The following FSTL5 variants were observed in gnomAD, a reference collection of about 807,000 sequenced individuals.
FSTL5 encodes the protein follistatin like 5.
FSTL5 carries 62 observed loss-of-function variants against 89.1 expected under a neutral mutation model. The ratio of observed to expected loss-of-function variants is 0.70; its 90% CI spans 0.57 to 0.86. The LOEUF (loss-of-function observed/expected upper bound fraction) is 0.86, where lower values mean the gene tolerates loss of function less well. Ranked by LOEUF, FSTL5 falls within the 40% of genes least tolerant of loss-of-function variation. The pLI is 0.00. For missense variants in FSTL5, 1,057 were observed against 1,001.6 expected (o/e 1.06, Z -0.75); for synonymous variants, 383 against 346.2 (o/e 1.11, Z -1.18).
chr4:161,801,494 GC>G (rs1224284978), intron 4 of FSTL5, among the ~76,000 whole-genome samples: 2 of 151,342 alleles, frequency 1.3e-5, no homozygotes, highest in Admixed American at 6.6e-5. Context: ...TTTCATGAGA[GC>G]CTTCTATTTT....
intron 3 of FSTL5, among the ~76,000 whole-genome samples, chr4:162,020,560 A>G (rs1737046490): frequency 6.6e-6 from 1 of 152,096 alleles, no homozygotes; most frequent in Non-Finnish European, 1.5e-5. Context: ...TTGACTCTCA[A>G]TTAGAGAAGA....
chr4:161,396,896 A>G (rs1276006983), intron 15 of FSTL5, among the ~76,000 whole-genome samples: 1 of 152,156 alleles, frequency 6.6e-6, no homozygotes, highest in African/African-American at 2.4e-5. Context: ...AACTAATAAA[A>G]GAAGGATCTT....
chr4:161,757,615 C>CT (rs1740622908), intron 6 of FSTL5, among the ~76,000 whole-genome samples: 1 of 151,878 alleles, frequency 6.6e-6, no homozygotes, highest in Non-Finnish European at 1.5e-5. Flanking sequence ...ATGCTGTGTT[C>CT]TTTTTATTTT....
chr4:162,145,917 G>C (rs1057180689), intron 1 of FSTL5, among the ~76,000 whole-genome samples: 2 of 152,064 alleles, frequency 1.3e-5, no homozygotes, highest in East Asian at 1.9e-4. Flanking sequence ...AAAGTGATTT[G>C]TTTAAGTGGG....
intron 1 of FSTL5, among the ~76,000 whole-genome samples, chr4:162,143,213 A>T (rs977375493): frequency 6.6e-6 from 1 of 151,796 alleles, no homozygotes; most frequent in Non-Finnish European, 1.5e-5. Context: ...TACTTAGGTC[A>T]TTTTGTTTCT....
At chr4:162,135,665 T>A (rs17042029) in intron 1 of FSTL5, among the ~76,000 whole-genome samples, 2,646 of 152,182 alleles carry the variant, frequency 0.017, 76 homozygotes, top group African/African-American at 0.059. Context: ...AATATTTGGG[T>A]ATAAGGTATT....
chr4:161,628,976 T>C (rs1356042688), intron 7 of FSTL5, among the ~76,000 whole-genome samples: 1 of 152,242 alleles, frequency 6.6e-6, no homozygotes, highest in Non-Finnish European at 1.5e-5. Context: ...ATTATAGGGT[T>C]ATAATTTCTC....
intron 7 of FSTL5, among the ~76,000 whole-genome samples, chr4:161,598,142 C>T (rs1439360707): frequency 4.6e-5 from 7 of 152,006 alleles, no homozygotes; most frequent in East Asian, 1.9e-4. Context: ...GAGGTTGAGG[C>T]GGGTAGATCT....
At chr4:161,595,509 G>C (rs1055535318) in intron 7 of FSTL5, among the ~76,000 whole-genome samples, 1 of 152,052 alleles carries the variant, frequency 6.6e-6, no homozygotes, top group African/African-American at 2.4e-5. Context: ...TGAGTTGATT[G>C]CTTATATATT....
At chr4:161,845,825 C>T (rs1337820836) in intron 4 of FSTL5, among the ~76,000 whole-genome samples, 1 of 152,026 alleles carries the variant, frequency 6.6e-6, no homozygotes, top group Non-Finnish European at 1.5e-5. Flanking sequence ...GTGGGAGGGT[C>T]CCTAGAGGTC....
At position 161,907,075 on chromosome 4, in the gene FSTL5, A is replaced by G. The variant is rs1204267779; in HGVS notation, c.409+13329T>C. Among the ~76,000 whole-genome samples, 3 of 152,226 alleles carry G rather than the reference A, an allele frequency of 2.0e-5. No individual in the cohort carries two copies. The East Asian group carries it at 5.8e-4, about 29-fold the overall frequency. ...CCACTTGTTAAAATCTTTAAAGGCC[A>G]AAACATGTGCTATGTTACTCAGGCA... On this transcript the variant is annotated intron_variant, in intron 4 of 15. Coordinates refer to ENST00000306100, the MANE Select transcript of FSTL5 (RefSeq NM_020116.5).
intron 4 of FSTL5, among the ~76,000 whole-genome samples, chr4:161,830,895 G>C (rs1408092365): frequency 1.3e-5 from 2 of 151,912 alleles, no homozygotes; most frequent in African/African-American, 2.4e-5. Context: ...CCATCTCCCA[G>C]ACCCCATAGG....
chr4:161,482,385 A>T (rs1451604024), intron 12 of FSTL5, among the ~76,000 whole-genome samples: 2 of 147,766 alleles, frequency 1.4e-5, no homozygotes, highest in Non-Finnish European at 3.0e-5. Context: ...CAATTATTCC[A>T]GTATTTCATT....
At chr4:161,805,213 G>T (rs1439779808) in intron 4 of FSTL5, among the ~76,000 whole-genome samples, 4 of 152,072 alleles carry the variant, frequency 2.6e-5, no homozygotes, top group African/African-American at 7.2e-5. Flanking sequence ...TATACCAAGG[G>T]CATTCCTGAT....
Position 161,725,717 on chromosome 4 carries a change from G to A in FSTL5, c.727+33694C>T, listed in dbSNP as rs576756824. ...CATCATCTGGATATTCAAGGAGAAAGACCACCTCAATTATAGAAATAATGA... is the reference window on the plus strand; with the variant it reads ...CATCATCTGGATATTCAAGGAGAAAAACCACCTCAATTATAGAAATAATGA... On this transcript the variant is annotated intron_variant, in intron 6 of 15. Coordinates refer to ENST00000306100, the MANE Select transcript of FSTL5 (RefSeq NM_020116.5). 2.6e-5 allele frequency among the ~76,000 whole-genome samples: 4 copies of A among 152,220 alleles called. No homozygotes were observed. The East Asian group carries it at 7.7e-4, about 29-fold the overall frequency.
chr4:161,427,579 G>A (rs1258103261), intron 15 of FSTL5, among the ~76,000 whole-genome samples: 3 of 152,090 alleles, frequency 2.0e-5, no homozygotes, highest in African/African-American at 7.2e-5. Flanking sequence ...CCAGCACCAC[G>A]GTCAGACAAA....
At chr4:161,721,205 G>A (rs1178919201) in intron 6 of FSTL5, among the ~76,000 whole-genome samples, 1 of 149,516 alleles carries the variant, frequency 6.7e-6, no homozygotes, top group Non-Finnish European at 1.5e-5. Context: ...GTGAACCCGG[G>A]AAGCGGAGCT....
chr4:161,508,587 G>A (rs1299258374), intron 11 of FSTL5, among the ~76,000 whole-genome samples: 3 of 151,878 alleles, frequency 2.0e-5, no homozygotes, highest in Non-Finnish European at 4.4e-5. Context: ...AAAATAATCT[G>A]GATTTATATA....
At chr4:161,394,056 A>G (rs898641527) in intron 15 of FSTL5, among the ~76,000 whole-genome samples, 3 of 152,210 alleles carry the variant, frequency 2.0e-5, no homozygotes, top group African/African-American at 7.2e-5. Context: ...GTTAATGTAT[A>G]GAGCTACATG....
Sources: allele counts gnomAD v4.1 joint callset (sites outside exome capture counted in the v4.1 genomes callset), GRCh38; gene constraint gnomAD v4.1.1; transcripts MANE v1.5; gene names NCBI Gene and HGNC (gene_info 2026-07-23, HGNC 2026-07-21).